The following CBLN2 variants were observed in gnomAD, a reference collection of about 807,000 sequenced individuals.
The protein encoded by CBLN2 is cerebellin-2.
Under a neutral mutation model 15.0 loss-of-function variants are expected in CBLN2, and 7 were observed. The ratio of observed to expected loss-of-function variants is 0.47; its 90% CI spans 0.27 to 0.88. CBLN2 has a LOEUF of 0.88. CBLN2 is among the 40% of genes least tolerant of loss of function. The pLI is 0.14. For synonymous variants in CBLN2, 149 were observed against 135.2 expected (o/e 1.10, Z -0.71); for missense variants, 242 against 304.5 (o/e 0.79, Z 1.53).
In CBLN2 at chr18:72,615,101, T is replaced by G. The variant is rs193294635; in HGVS notation, c.15+23224A>C. On this transcript the variant is annotated intron_variant, in intron 1 of 2. Transcript: ENST00000581073. ...TTATAGAAAATATATATAAATATAT[T>G]TATACATTTTAGAAAATATATATAA... Among the ~76,000 whole-genome samples the G allele has an allele frequency of 7.3e-3, 956 of 131,456 alleles. 16 individuals are homozygous for G. Among genetic ancestry groups the G allele is most frequent in the African/African-American group, 0.027 (897 of 33,170 alleles). The allele number at this position is 131,456 out of a possible 152,430, so 86.2% of individuals were successfully genotyped here.
intron 1 of CBLN2, among the ~76,000 whole-genome samples, chr18:72,587,456 T>C (rs942807534): frequency 1.3e-5 from 2 of 152,148 alleles, no homozygotes; most frequent in Non-Finnish European, 2.9e-5. Flanking sequence ...TATATTTTCC[T>C]ATAATCTCCC....
chr18:72,583,760 A>G (rs2144921456), intron 1 of CBLN2, among the ~76,000 whole-genome samples: 1 of 152,296 alleles, frequency 6.6e-6, no homozygotes, highest in South Asian at 2.1e-4. Context: ...GTACTCTGCA[A>G]AATACTTTGT....
At chr18:72,540,218 C>A (rs2069098814) in intron 3 of CBLN2, 1 of 152,216 alleles carries the variant, frequency 6.6e-6, no homozygotes, top group Non-Finnish European at 1.5e-5. Flanking sequence ...CTGCTTCTTC[C>A]TTTCACCTCA....
chr18:72,605,534 T>C (rs2069577743), intron 1 of CBLN2, among the ~76,000 whole-genome samples: 1 of 151,666 alleles, frequency 6.6e-6, no homozygotes, highest in East Asian at 1.9e-4. Context: ...AGTAAAGTGC[T>C]TTTAAAAATT....
intron 1 of CBLN2, among the ~76,000 whole-genome samples, chr18:72,633,771 T>C (rs2069792983): frequency 6.6e-6 from 1 of 152,180 alleles, no homozygotes; most frequent in South Asian, 2.1e-4. Flanking sequence ...AACTGCAAAT[T>C]GAATTTTATA....
intron 1 of CBLN2, among the ~76,000 whole-genome samples, chr18:72,613,620 A>G (rs1362722489): frequency 6.6e-6 from 1 of 152,176 alleles, no homozygotes; most frequent in African/African-American, 2.4e-5. Flanking sequence ...AGAAGGAGGC[A>G]GGCTGTGAGT....
chr18:72,629,551 T>A (rs1017203510), intron 1 of CBLN2, among the ~76,000 whole-genome samples: 1 of 152,170 alleles, frequency 6.6e-6, no homozygotes, highest in Non-Finnish European at 1.5e-5. Flanking sequence ...TGAAAACATT[T>A]CAGAGATGTT....
At chr18:72,564,990 A>G (rs1219122998) in intron 1 of CBLN2, among the ~76,000 whole-genome samples, 3 of 152,220 alleles carry the variant, frequency 2.0e-5, no homozygotes, top group African/African-American at 4.8e-5. Flanking sequence ...ACGAGAAGAC[A>G]TAAAGTGTTG....
intron 3 of CBLN2, among the ~76,000 whole-genome samples, chr18:72,541,369 G>T (rs2069109440): frequency 6.6e-6 from 1 of 151,580 alleles, no homozygotes; most frequent in Non-Finnish European, 1.5e-5. Flanking sequence ...AATGCTGTCA[G>T]AGACTTGGGA....
At chr18:72,574,059 C>T (rs2069348820) in intron 1 of CBLN2, among the ~76,000 whole-genome samples, 1 of 152,122 alleles carries the variant, frequency 6.6e-6, no homozygotes, top group Non-Finnish European at 1.5e-5. Flanking sequence ...CTTTTCATAT[C>T]CCTATTCACC....
At chr18:72,573,104 G>C (rs912804162) in intron 1 of CBLN2, among the ~76,000 whole-genome samples, 2 of 152,106 alleles carry the variant, frequency 1.3e-5, no homozygotes, top group African/African-American at 4.8e-5. Flanking sequence ...AAAAGCATAG[G>C]AAAGATATCA....
intron 1 of CBLN2, among the ~76,000 whole-genome samples, chr18:72,599,162 A>T (rs151083837): frequency 6.6e-6 from 1 of 152,154 alleles, no homozygotes; most frequent in South Asian, 2.1e-4. Flanking sequence ...TAATTTTTTT[A>T]AACTCAAAGC....
intron 1 of CBLN2, among the ~76,000 whole-genome samples, chr18:72,619,971 C>T (rs2069688964): frequency 6.6e-6 from 1 of 152,214 alleles, no homozygotes; most frequent in Non-Finnish European, 1.5e-5. Flanking sequence ...ACTTCATTTA[C>T]TCAGCTCACC....
At chr18:72,592,803 A>G (rs182714156) in intron 1 of CBLN2, among the ~76,000 whole-genome samples, 14 of 152,162 alleles carry the variant, frequency 9.2e-5, no homozygotes, top group African/African-American at 3.4e-4. Context: ...AGTTCACTGC[A>G]GGTGTGTGGT....
rs1289930808 is a variant in CBLN2, at chr18:72,543,498, T to TGCTGGGCGAGCTCC, written c.-193_-180dup. On this transcript the variant is annotated 5_prime_UTR_variant, in exon 2 of 5. Coordinates refer to ENST00000269503, the MANE Select transcript of CBLN2 (RefSeq NM_182511.4). The surrounding 1 kb of genome is among the most constrained non-coding windows in gnomAD (Gnocchi z 6.8). The stretch of plus-strand genomic sequence containing the variant: ...CGGGGGTGGTTACCTGGAACATCCA[T>TGCTGGGCGAGCTCC]GCTGGGCGAGCTCCGCTGTCCGCGA... 5 of 398,646 alleles carry TGCTGGGCGAGCTCC rather than the reference T, an allele frequency of 1.3e-5. No homozygotes were observed. The highest frequency in any genetic ancestry group is 2.2e-5 in the Non-Finnish European group (5 of 226,292). 24.7% of individuals were successfully genotyped at this position (398,646 alleles called of 1,614,324 possible). A position where few individuals can be genotyped will look rare whatever the true frequency, so the allele number is the denominator to read the frequency against.
At chr18:72,588,289 T>G (rs527948739) in intron 1 of CBLN2, among the ~76,000 whole-genome samples, 89 of 152,346 alleles carry the variant, frequency 5.8e-4, no homozygotes, top group African/African-American at 2.1e-3. Context: ...TTTCAGTGTC[T>G]TCTAAATAAG....
In CBLN2 at chr18:72,612,626, T is replaced by C. The variant is rs144050216; in HGVS notation, c.15+25699A>G. On this transcript the variant is annotated intron_variant, in intron 1 of 2. Coordinates refer to the CBLN2 transcript ENST00000581073. ...CTCTCTGCAATACACACAATCTTACTGCACCTGCTCCAATTCTGTCAATTG... is the reference window on the plus strand; with the variant it reads ...CTCTCTGCAATACACACAATCTTACCGCACCTGCTCCAATTCTGTCAATTG... Among the ~76,000 whole-genome samples the C allele has an allele frequency of 2.5e-3, 382 of 152,316 alleles. 2 individuals carry two copies. Among genetic ancestry groups the C allele is most frequent in the African/African-American group, 8.7e-3 (361 of 41,576 alleles).
intron 1 of CBLN2, among the ~76,000 whole-genome samples, chr18:72,560,738 G>T (rs1216982440): frequency 6.6e-6 from 1 of 152,240 alleles, no homozygotes; most frequent in Admixed American, 6.5e-5. Context: ...GCCGGGTGTG[G>T]TGGCTCACGC....
chr18:72,585,725 A>G (rs952870862), intron 1 of CBLN2, among the ~76,000 whole-genome samples: 3 of 151,976 alleles, frequency 2.0e-5, no homozygotes, highest in Admixed American at 6.6e-5. Flanking sequence ...GCTGCCATCA[A>G]CCTCCAGGGT....
Sources: allele counts gnomAD v4.1 joint callset (sites outside exome capture counted in the v4.1 genomes callset), GRCh38; gene constraint gnomAD v4.1.1; non-coding constraint Gnocchi (gnomAD v3.1); transcripts MANE v1.5; gene names NCBI Gene and HGNC (gene_info 2026-07-23, HGNC 2026-07-21).